The following FIG4 variants were observed in gnomAD, a reference collection of about 807,000 sequenced individuals.
FIG4 encodes the protein polyphosphoinositide phosphatase.
Under a neutral mutation model 118.6 loss-of-function variants are expected in FIG4, and 112 were observed. The ratio of observed to expected loss-of-function variants is 0.94; its 90% confidence interval spans 0.81 to 1.11. FIG4 has a LOEUF of 1.11. Ranked by LOEUF, FIG4 falls within the 50% of genes least tolerant of loss-of-function variation. FIG4 has a pLI of 0.00. For synonymous variants in FIG4, 369 were observed against 381.2 expected (o/e 0.97, Z 0.37); for missense variants, 969 against 1,111.7 (o/e 0.87, Z 1.83).
In FIG4 at chr6:109,743,596, T is replaced by TA. The variant is rs1441604250; in HGVS notation, c.1040-72dup. ...AAAGATTAGTTGAATTGCATTTCTT[T>TA]AAAAAAACAACCCTATGCTTCTTTT... On this transcript the variant is annotated intron_variant, in intron 9 of 22. Transcript: ENST00000230124. 29 of 1,134,340 alleles carry TA rather than the reference T, an allele frequency of 2.6e-5. No individual in the cohort carries two copies. In the Admixed American group the frequency reaches 3.1e-4, roughly 12 times the overall value. The allele number at this position is 1,134,340 out of a possible 1,614,324, so 70.3% of individuals were successfully genotyped here.
intron 22 of FIG4, among the ~76,000 whole-genome samples, chr6:109,821,030 A>G (rs1778992191): frequency 1.3e-5 from 2 of 152,234 alleles, no homozygotes; most frequent in Non-Finnish European, 2.9e-5. Flanking sequence ...ACCCAATTCA[A>G]TACCAGGGGA....
At chr6:109,779,864 A>G (rs1777744073) in intron 16 of FIG4, among the ~76,000 whole-genome samples, 2 of 152,206 alleles carry the variant, frequency 1.3e-5, no homozygotes, top group African/African-American at 2.4e-5. Flanking sequence ...CTGCAAGTGT[A>G]TGTGGCCTGC....
chr6:109,808,350 C>CAAAAAAAAAA (rs55948419), intron 22 of FIG4, among the ~76,000 whole-genome samples: 14 of 67,042 alleles, frequency 2.1e-4, no homozygotes, highest in Admixed American at 5.7e-4. Flanking sequence ...ACACTCACAG[C>CAAAAAAAAAA]AAAAAAAAAA....
At chr6:109,811,669 T>C (rs1778724729) in intron 22 of FIG4, among the ~76,000 whole-genome samples, 1 of 152,142 alleles carries the variant, frequency 6.6e-6, no homozygotes, top group South Asian at 2.1e-4. Flanking sequence ...CTAATACATG[T>C]ATAAGTAAGA....
intron 10 of FIG4, among the ~76,000 whole-genome samples, chr6:109,759,246 C>A (rs1777021846): frequency 6.6e-6 from 1 of 152,094 alleles, no homozygotes; most frequent in Non-Finnish European, 1.5e-5. Context: ...TACATATATA[C>A]CATGGAATAC....
intron 22 of FIG4, among the ~76,000 whole-genome samples, chr6:109,814,274 G>GC (rs760686726): frequency 2.6e-5 from 4 of 151,764 alleles, no homozygotes; most frequent in Non-Finnish European, 4.4e-5. Flanking sequence ...AACTAGCTGG[G>GC]CCCACAAGCA....
chr6:109,716,345 G>T, intron 2 of FIG4, 100 bp from the exon 3 acceptor site: 1 of 1,185,742 alleles, frequency 8.4e-7, no homozygotes, highest in South Asian at 1.3e-5. Context: ...GTATGAAATA[G>T]CTGATGATGC....
At chr6:109,703,553 G>C (rs1774966598) in intron 1 of FIG4, among the ~76,000 whole-genome samples, 1 of 152,092 alleles carries the variant, frequency 6.6e-6, no homozygotes, top group African/African-American at 2.4e-5. Context: ...CTTGGGGCTT[G>C]AGCCTAAAAA....
chr6:109,706,037 G>A (rs1351503123), intron 1 of FIG4, among the ~76,000 whole-genome samples: 1 of 152,184 alleles, frequency 6.6e-6, no homozygotes, highest in Non-Finnish European at 1.5e-5. Flanking sequence ...GTACATAGTT[G>A]TTCTTTCACC....
At chr6:109,738,294 TTATG>T in intron 6 of FIG4, 27 bp from the exon 7 acceptor site, 1 of 1,565,816 alleles carries the variant, frequency 6.4e-7, no homozygotes, top group Non-Finnish European at 8.8e-7. Flanking sequence ...TTTTGTGTAT[TTATG>T]GACTGATACA....
chr6:109,711,780 T>C (rs1775272133), intron 1 of FIG4, among the ~76,000 whole-genome samples: 1 of 152,202 alleles, frequency 6.6e-6, no homozygotes, highest in South Asian at 2.1e-4. Flanking sequence ...AGGTTAGAAT[T>C]GATACGTGTG....
At chr6:109,789,198 C>T (rs967023133) in intron 18 of FIG4, among the ~76,000 whole-genome samples, 1 of 152,176 alleles carries the variant, frequency 6.6e-6, no homozygotes, top group Admixed American at 6.5e-5. Context: ...TGATATATAA[C>T]CAGATTAACC....
At chr6:109,723,532 C>T (rs1775673245) in intron 3 of FIG4, among the ~76,000 whole-genome samples, 1 of 152,124 alleles carries the variant, frequency 6.6e-6, no homozygotes, top group African/African-American at 2.4e-5. Flanking sequence ...TTACTTGATA[C>T]ATTGTTTTGT....
At chr6:109,773,124 C>T (rs977777096) in intron 15 of FIG4, among the ~76,000 whole-genome samples, 1 of 152,162 alleles carries the variant, frequency 6.6e-6, no homozygotes, top group African/African-American at 2.4e-5. Flanking sequence ...TAAAGCCTAC[C>T]ACAGTGCACC....
At chr6:109,717,008 C>CTTT (rs58004392) in intron 3 of FIG4, among the ~76,000 whole-genome samples, 6 of 138,250 alleles carry the variant, frequency 4.3e-5, no homozygotes, top group African/African-American at 1.6e-4. Flanking sequence ...TGGATGACTG[C>CTTT]TTTTTTTTTT....
At chr6:109,757,562 A>T (rs1436021344) in intron 10 of FIG4, among the ~76,000 whole-genome samples, 1 of 152,230 alleles carries the variant, frequency 6.6e-6, no homozygotes, top group Non-Finnish European at 1.5e-5. Context: ...CAAGACAAGG[A>T]TGCCCTCTCT....
chr6:109,713,208 G>T (rs150904860), intron 1 of FIG4, among the ~76,000 whole-genome samples: 1 of 152,212 alleles, frequency 6.6e-6, no homozygotes, highest in Non-Finnish European at 1.5e-5. Flanking sequence ...GTCCTCATTC[G>T]CATGTGCCAG....
rs1776227810 is a variant in FIG4 at position 109,738,453 on chromosome 6, AG to A, written c.775+1del. 1 of 1,612,326 alleles carries A rather than the reference AG, an allele frequency of 6.2e-7. No individual in the cohort carries two copies. The highest frequency in any genetic ancestry group is 1.3e-5 in the African/African-American group (1 of 74,834). On this transcript the variant is annotated splice_donor_variant, in intron 7 of 22. Coordinates refer to ENST00000230124, the MANE Select transcript of FIG4 (RefSeq NM_014845.6). LOFTEE classifies it high-confidence loss of function. Reference sequence around the variant, plus strand: ...TATTCATGGGTTCTGTGGGCAGTCAAGTATCCTTTCTGAAGAAAAAGTAAGA... The same window carrying A: ...TATTCATGGGTTCTGTGGGCAGTCAATATCCTTTCTGAAGAAAAAGTAAGA...
intron 11 of FIG4, 118 bp from the exon 12 acceptor site, chr6:109,761,973 A>G: frequency 1.4e-6 from 1 of 696,530 alleles, no homozygotes; most frequent in East Asian, 2.7e-5. Context: ...CAGCCAAGAG[A>G]TTTTAAAAAT....
Sources: gnomAD v4.1 joint callset for allele counts (sites outside exome capture counted in the v4.1 genomes callset) on GRCh38, gnomAD v4.1.1 for gene constraint, MANE v1.5 for transcripts, NCBI Gene and HGNC (gene_info 2026-07-23, HGNC 2026-07-21) for gene names.